ZNF540: variants seen among roughly 807,000 people sequenced by gnomAD.
ZNF540 encodes the protein CTD-3064H18.6.
Under a neutral mutation model 11.8 loss-of-function variants are expected in ZNF540, and 3 were observed. That is an observed-to-expected ratio of 0.25 (90% CI 0.12 to 0.65). The LOEUF (loss-of-function observed/expected upper bound fraction) is 0.65. Ranked by LOEUF, ZNF540 falls within the 30% of genes least tolerant of loss-of-function variation. The pLI is 0.83. For missense variants in ZNF540, 709 were observed against 793.1 expected (o/e 0.89, Z 1.27); for synonymous variants, 247 against 259.0 (o/e 0.95, Z 0.45).
At position 37,614,101 on chromosome 19, in the gene ZNF540, T is replaced by A. The variant is rs1183881187; in HGVS notation, c.*838T>A. ...TAAACCTCAGTTGTTTATAAGCCAC[T>A]GAGTCTACGATATTTTGTTATGCAG... On this transcript the variant is annotated 3_prime_UTR_variant, in exon 5 of 5. Transcript: ENST00000316433. 3 of 376,252 alleles carry A rather than the reference T, an allele frequency of 8.0e-6. No individual in the cohort carries two copies. The East Asian group carries it at 1.1e-4, about 14-fold the overall frequency. 23.3% of individuals were successfully genotyped at this position (376,252 alleles called of 1,614,324 possible).
intron 1 of ZNF540, chr19:37,566,566 A>AT (rs1294145939): frequency 3.4e-6 from 1 of 294,248 alleles, no homozygotes; most frequent in East Asian, 6.4e-5. Context: ...TAAAATAGTA[A>AT]TAAAAACACC....
At chr19:37,609,107 A>AT (rs1568368473) in intron 4 of ZNF540, among the ~76,000 whole-genome samples, 1 of 152,012 alleles carries the variant, frequency 6.6e-6, no homozygotes, top group Non-Finnish European at 1.5e-5. Context: ...TTCTTTGTTC[A>AT]TTTTTTCCAG....
chr19:37,558,234 C>G (rs1223180144), intron 1 of ZNF540, among the ~76,000 whole-genome samples: 1 of 152,122 alleles, frequency 6.6e-6, no homozygotes, highest in African/African-American at 2.4e-5. Context: ...CTGTGTTGCT[C>G]GTTTTTGTTT....
intron 1 of ZNF540, among the ~76,000 whole-genome samples, chr19:37,583,057 T>G (rs994955513): frequency 2.6e-5 from 4 of 152,202 alleles, no homozygotes. Context: ...CCACTTTCAG[T>G]AGCCACACTG....
At chr19:37,576,753 C>A (rs1381524188) in intron 1 of ZNF540, among the ~76,000 whole-genome samples, 1 of 151,920 alleles carries the variant, frequency 6.6e-6, no homozygotes, top group Non-Finnish European at 1.5e-5. Flanking sequence ...TAGCAAAGAC[C>A]CAAACTGGGA....
intron 1 of ZNF540, among the ~76,000 whole-genome samples, chr19:37,572,133 T>C (rs1005450579): frequency 6.6e-6 from 1 of 152,202 alleles, no homozygotes; most frequent in Non-Finnish European, 1.5e-5. Context: ...ATACATCTCC[T>C]ACTTCTGTTA....
rs1398009503 is a variant in ZNF540, at chr19:37,601,128, A to AGAT, written c.232+25_232+27dup. Reference sequence around the variant, plus strand: ...CCGGTGAGTTGAGAGTTCATCAGGCAGATGGAAGCCCTCATTGCCAGTCAC... The same window carrying AGAT: ...CCGGTGAGTTGAGAGTTCATCAGGCAGATGATGGAAGCCCTCATTGCCAGTCAC... On this transcript the variant is annotated intron_variant, in intron 4 of 4. Transcript: ENST00000316433. The AGAT allele has an allele frequency of 5.1e-6, 8 of 1,553,860 alleles. No homozygotes were observed. In the Admixed American group the frequency reaches 5.8e-5, roughly 11 times the overall value.
At chr19:37,591,467 T>C (rs1182309652), upstream of ZNF540, among the ~76,000 whole-genome samples, 1 of 152,178 alleles carries the variant, frequency 6.6e-6, no homozygotes, top group Non-Finnish European at 1.5e-5. Context: ...CCTTAGAAGG[T>C]TGTAGGGCAC....
intron 4 of ZNF540, among the ~76,000 whole-genome samples, chr19:37,603,225 T>C (rs1302473594): frequency 6.6e-6 from 1 of 152,122 alleles, no homozygotes; most frequent in African/African-American, 2.4e-5. Context: ...CATGCTGGTC[T>C]TGAACTCCTG....
intron 1 of ZNF540, among the ~76,000 whole-genome samples, chr19:37,579,211 C>CAGGT (rs1816072372): frequency 6.6e-6 from 1 of 152,236 alleles, no homozygotes; most frequent in Admixed American, 6.5e-5. Flanking sequence ...TCATAGCCAG[C>CAGGT]ACCTGAACTC....
chr19:37,603,025 G>A (rs1471412313), intron 4 of ZNF540, among the ~76,000 whole-genome samples: 1 of 41,292 alleles, frequency 2.4e-5, no homozygotes, highest in Non-Finnish European at 4.4e-5. Flanking sequence ...TTTTTTTTTT[G>A]AGACAGAGTT....
chr19:37,574,084 T>G (rs2043161305), intron 1 of ZNF540, among the ~76,000 whole-genome samples: 1 of 152,184 alleles, frequency 6.6e-6, no homozygotes, highest in African/African-American at 2.4e-5. Flanking sequence ...CCATTATTCG[T>G]ACCCTGAATG....
chr19:37,611,476 G>T, intron 4 of ZNF540, 37 bp from the exon 5 acceptor site: 1 of 1,511,250 alleles, frequency 6.6e-7, no homozygotes, highest in South Asian at 1.3e-5. Flanking sequence ...CTGGCTACAG[G>T]AAAATAATTT....
chr19:37,612,399 C>T lies in ZNF540; in HGVS notation c.1119C>T (p.His373=), dbSNP rs764622700. ...GACTTAGTTTTTACCTTACTGAACA[C>T]AGAAGAACTCATGCAGGTAAGAAAC... ...TFRLSFYLTE[H]RRTHAGKKPY... Residue 373 remains histidine (H), a synonymous_variant, in exon 5 of 5, where the codon CAC becomes CAT. Coordinates refer to ENST00000316433, the MANE Select transcript of ZNF540 (RefSeq NM_001172225.3). 1 of 1,613,262 alleles carries T rather than the reference C, an allele frequency of 6.2e-7. No individual in the cohort carries two copies. Among genetic ancestry groups the T allele is most frequent in the South Asian group, 1.1e-5 (1 of 91,026 alleles).
intron 4 of ZNF540, 47 bp from the exon 5 acceptor site, chr19:37,611,466 C>T (rs769193447): frequency 4.5e-5 from 66 of 1,456,264 alleles, no homozygotes; most frequent in Non-Finnish European, 6.1e-5. Context: ...TTATGTTATG[C>T]TGGCTACAGG....
chr19:37,590,033 C>A (rs754973493), upstream of ZNF540, among the ~76,000 whole-genome samples: 2 of 151,756 alleles, frequency 1.3e-5, no homozygotes, highest in Non-Finnish European at 2.9e-5. Context: ...TTAAAAGAGA[C>A]TAAAGAGATG....
chr19:37,554,370 T>G (rs1016603892), intron 1 of ZNF540, among the ~76,000 whole-genome samples: 1 of 152,208 alleles, frequency 6.6e-6, no homozygotes, highest in African/African-American at 2.4e-5. Context: ...AAGTTTTCAC[T>G]TTTTTCATAT....
upstream of ZNF540, among the ~76,000 whole-genome samples, chr19:37,591,244 G>T (rs1323172613): frequency 3.9e-5 from 6 of 152,184 alleles, no homozygotes; most frequent in Admixed American, 2.6e-4. Context: ...TTTCAGGGCT[G>T]GCACAGGAAA....
At chr19:37,606,798 CATAT>C (rs2044088949) in intron 4 of ZNF540, among the ~76,000 whole-genome samples, 7 of 152,180 alleles carry the variant, frequency 4.6e-5, no homozygotes, top group Non-Finnish European at 8.8e-5. Context: ...ATTTTATTTA[CATAT>C]ATGATCTGCA....
Sources: gnomAD v4.1 joint callset for allele counts (sites outside exome capture counted in the v4.1 genomes callset) on GRCh38, gnomAD v4.1.1 for gene constraint, MANE v1.5 for transcripts, NCBI Gene and HGNC (gene_info 2026-07-23, HGNC 2026-07-21) for gene names.